Variants in RPA3 observed in about 807,000 individuals in gnomAD.
RPA3 encodes the protein replication protein A 14 kDa subunit.
A neutral mutation model predicts 13.7 loss-of-function variants in RPA3; 24 were observed. The observed-to-expected ratio is 1.75, with a 90% CI of 1.27 to 2.46. RPA3 has a LOEUF of 2.46. RPA3 is among the 30% of genes most tolerant of loss of function. The pLI is 0.00. For synonymous variants in RPA3, 59 were observed against 51.2 expected, an observed-to-expected ratio of 1.15 and a Z score of -0.65; for missense variants, 183 against 151.0, an observed-to-expected ratio of 1.21 and a Z score of -1.11.
chr7:7,638,040 T>A, intron 6 of RPA3, 68 bp from the exon 7 acceptor site: 1 of 1,178,206 alleles, frequency 8.5e-7, no homozygotes, highest in South Asian at 1.3e-5. Context: ...TTTGGAAAAC[T>A]GTTATACAGG....
chr7:7,714,495 A>G (rs569433473), intron 2 of RPA3, among the ~76,000 whole-genome samples: 7 of 152,374 alleles, frequency 4.6e-5, no homozygotes, highest in African/African-American at 1.2e-4. Flanking sequence ...TTTAGAAATA[A>G]TCTATATAGT....
intron 2 of RPA3, among the ~76,000 whole-genome samples, chr7:7,707,623 C>A (rs7805143): frequency 0.36 from 54,478 of 151,940 alleles, 10,208 homozygotes; most frequent in Middle Eastern, 0.48. Flanking sequence ...TAATAAAAGA[C>A]TAAATGATAT....
chr7:7,710,218 T>C (rs1780719643), intron 2 of RPA3, among the ~76,000 whole-genome samples: 1 of 152,116 alleles, frequency 6.6e-6, no homozygotes, highest in South Asian at 2.1e-4. Context: ...TGTTTTGTTT[T>C]CCTAAAAACA....
intron 4 of RPA3, 146 bp from the exon 5 acceptor site, chr7:7,641,321 A>ACC (rs1784968399): frequency 6.6e-6 from 1 of 152,154 alleles, no homozygotes; most frequent in Non-Finnish European, 1.5e-5. Flanking sequence ...AACGGGGAAG[A>ACC]ACCACTGGCC....
chr7:7,641,695 A>G (rs1467293800), intron 4 of RPA3: 1 of 152,186 alleles, frequency 6.6e-6, no homozygotes, highest in Non-Finnish European at 1.5e-5. Flanking sequence ...ACATAAAAAT[A>G]CCTTCAAACG....
intron 5 of RPA3, chr7:7,639,820 T>C (rs779393738): frequency 1.8e-5 from 3 of 165,796 alleles, no homozygotes; most frequent in Non-Finnish European, 3.9e-5. Context: ...TTCTCGCCTG[T>C]AGAATGAGGG....
intron 2 of RPA3, among the ~76,000 whole-genome samples, chr7:7,702,370 C>T (rs902189657): frequency 2.0e-5 from 3 of 152,072 alleles, no homozygotes; most frequent in African/African-American, 7.2e-5. Context: ...TTTAATATGA[C>T]ATATTTTATT....
At chr7:7,686,725 C>T (rs976020457) in intron 3 of RPA3, among the ~76,000 whole-genome samples, 5 of 152,088 alleles carry the variant, frequency 3.3e-5, no homozygotes, top group African/African-American at 1.2e-4. Context: ...ACTACTAGTC[C>T]CTCAATATCT....
At chr7:7,654,819 G>T (rs895092866) in intron 4 of RPA3, among the ~76,000 whole-genome samples, 3 of 150,958 alleles carry the variant, frequency 2.0e-5, no homozygotes, top group African/African-American at 7.3e-5. Context: ...CAGGAGAATC[G>T]CTTGAACCTG....
At chr7:7,676,128 G>A (rs960149232) in intron 4 of RPA3, 7 of 398,446 alleles carry the variant, frequency 1.8e-5, no homozygotes, top group Admixed American at 4.4e-5. Context: ...CTCCAGTGAC[G>A]TGCTGTTAAA....
At chr7:7,694,216 A>G (rs7810800) in intron 2 of RPA3, among the ~76,000 whole-genome samples, 12,550 of 152,066 alleles carry the variant, frequency 0.083, 596 homozygotes, top group Middle Eastern at 0.12. Flanking sequence ...CTTTTCTTGT[A>G]CTTATTGGTA....
intron 4 of RPA3, among the ~76,000 whole-genome samples, chr7:7,683,940 A>G (rs556580523): frequency 1.4e-4 from 21 of 152,292 alleles, no homozygotes; most frequent in African/African-American, 4.8e-4. Context: ...ATTTTCTATG[A>G]GTAATATACA....
In RPA3 at chr7:7,640,748, C is replaced by T. The variant is rs1784948762; in HGVS notation, c.-330G>A. The T allele has an allele frequency of 3.8e-6, 1 of 261,748 alleles. No homozygotes were observed. The highest frequency in any genetic ancestry group is 7.4e-6 in the Non-Finnish European group (1 of 134,442). The allele number at this position is 261,748 out of a possible 1,614,324, so 16.2% of individuals were successfully genotyped here. A position where few individuals can be genotyped will look rare whatever the true frequency, so the allele number is the denominator to read the frequency against. ...CTTTCTGCGATCACAGGATTCCCGG[C>T]GGTGACTTGACCCCGGAAGTGGGGT... is the stretch of plus-strand genomic sequence containing the variant. On this transcript the variant is annotated 5_prime_UTR_variant, in exon 5 of 8. Transcript: ENST00000223129.
In RPA3 at chr7:7,640,523, C is replaced by T; in HGVS notation, c.-105G>A. On this transcript the variant is annotated 5_prime_UTR_variant, in exon 5 of 8. Transcript: ENST00000223129. ...ATTTCTCGGCACCAATCAGCGAAGA[C>T]TAGCGCTCCAGCTTCGCCAATTAAA... 4 of 1,025,824 alleles carry T rather than the reference C, an allele frequency of 3.9e-6. No individual in the cohort carries two copies. The highest frequency in any genetic ancestry group is 6.0e-6 in the Non-Finnish European group (4 of 669,766). 63.5% of individuals were successfully genotyped at this position (1,025,824 alleles called of 1,614,324 possible).
chr7:7,675,560 T>C (rs1563110231), intron 4 of RPA3, among the ~76,000 whole-genome samples: 1 of 152,194 alleles, frequency 6.6e-6, no homozygotes, highest in Non-Finnish European at 1.5e-5. Context: ...GTAGTCTTTC[T>C]TTAACTGAGC....
intron 4 of RPA3, among the ~76,000 whole-genome samples, chr7:7,656,801 A>G (rs1417573985): frequency 1.3e-5 from 2 of 152,222 alleles, no homozygotes; most frequent in African/African-American, 2.4e-5. Context: ...TTATGGTAGA[A>G]TGATTTATAA....
chr7:7,650,852 C>T (rs1449303455), intron 4 of RPA3, among the ~76,000 whole-genome samples: 1 of 152,210 alleles, frequency 6.6e-6, no homozygotes, highest in Non-Finnish European at 1.5e-5. Flanking sequence ...ATTCCAGGTT[C>T]TGGCCATGGC....
chr7:7,715,892 C>G (rs1301911869), intron 1 of RPA3, among the ~76,000 whole-genome samples: 1 of 152,110 alleles, frequency 6.6e-6, no homozygotes, highest in Non-Finnish European at 1.5e-5. Flanking sequence ...TACATTTTAA[C>G]CATTTACTAA....
At chr7:7,700,524 A>T (rs1200977578) in intron 2 of RPA3, among the ~76,000 whole-genome samples, 2 of 152,172 alleles carry the variant, frequency 1.3e-5, no homozygotes, top group Non-Finnish European at 2.9e-5. Flanking sequence ...CATAAGTTCT[A>T]GACCATACTG....
Sources: gnomAD v4.1 joint callset for allele counts (sites outside exome capture counted in the v4.1 genomes callset) on GRCh38, gnomAD v4.1.1 for gene constraint, MANE v1.5 for transcripts, NCBI Gene and HGNC (gene_info 2026-07-23, HGNC 2026-07-21) for gene names.